The following TAF6 variants were observed in gnomAD, a reference collection of about 807,000 sequenced individuals.
TAF6 encodes TATA-box binding protein associated factor 6.
TAF6 carries 50 observed loss-of-function variants against 73.5 expected under a neutral mutation model. The ratio of observed to expected loss-of-function variants is 0.68; its 90% CI spans 0.54 to 0.86. TAF6 has a LOEUF of 0.86. Ranked by LOEUF, TAF6 falls within the 40% of genes least tolerant of loss-of-function variation. The probability of loss-of-function intolerance (pLI) is 0.00; values close to 1 mark genes in which losing one functional copy is unlikely to be tolerated. For synonymous variants in TAF6, 424 were observed against 376.7 expected, an observed-to-expected ratio of 1.13 and a Z score of -1.45; for missense variants, 768 against 899.5, an observed-to-expected ratio of 0.85 and a Z score of 1.87.
intron 1 of TAF6, 158 bp from the exon 2 acceptor site, chr7:100,114,426 C>T: frequency 1.3e-6 from 1 of 781,678 alleles, no homozygotes; most frequent in Non-Finnish European, 2.1e-6. Context: ...AGATACAAAT[C>T]TGGGCTGGGG....
At chr7:100,120,633 C>A (rs997733485), upstream of TAF6, among the ~76,000 whole-genome samples, 1 of 152,200 alleles carries the variant, frequency 6.6e-6, no homozygotes, top group African/African-American at 2.4e-5. Context: ...CCTTTCACCT[C>A]CGTGTGCCGC....
upstream of TAF6, among the ~76,000 whole-genome samples, chr7:100,121,875 C>G (rs1252171829): frequency 1.5e-5 from 2 of 135,772 alleles, no homozygotes; most frequent in African/African-American, 2.7e-5. Context: ...ACGGTGAAAC[C>G]CTGTCTCTAC....
chr7:100,122,841 G>C, upstream of TAF6: 2 of 1,613,952 alleles, frequency 1.2e-6, no homozygotes, highest in Non-Finnish European at 1.7e-6. Context: ...GGTGAAGGTG[G>C]ATCTGGGGAT....
upstream of TAF6, chr7:100,119,572 G>A: frequency 7.0e-7 from 1 of 1,433,854 alleles, no homozygotes. Flanking sequence ...CAAAACGGAG[G>A]CAGGGAAACC....
upstream of TAF6, chr7:100,122,368 C>G (rs369187074): frequency 6.2e-7 from 1 of 1,614,136 alleles, no homozygotes; most frequent in Non-Finnish European, 8.5e-7. Flanking sequence ...GGAAGAGACA[C>G]GTGCCTTACA....
At chr7:100,114,720 A>AG (rs1797533463) in intron 1 of TAF6, among the ~76,000 whole-genome samples, 1 of 151,854 alleles carries the variant, frequency 6.6e-6, no homozygotes, top group Admixed American at 6.6e-5. Context: ...AGGAAAAAAA[A>AG]AAAAAAAATC....
chr7:100,110,531 G>C (rs528489142), intron 10 of TAF6, among the ~76,000 whole-genome samples: 2 of 152,184 alleles, frequency 1.3e-5, no homozygotes, highest in Non-Finnish European at 2.9e-5. Flanking sequence ...GCCAGTTGTG[G>C]CCAGGTGCAG....
chr7:100,116,129 A>G (rs1184882230), intron 1 of TAF6, among the ~76,000 whole-genome samples: 1 of 152,186 alleles, frequency 6.6e-6, no homozygotes, highest in African/African-American at 2.4e-5. Flanking sequence ...CTAACGTTGC[A>G]GCCAAAATGC....
chr7:100,111,014 C>T lies in TAF6; in HGVS notation c.1083+125G>A, dbSNP rs911476092. The T allele has an allele frequency of 4.7e-5, 49 of 1,052,904 alleles. No homozygotes were observed. In the East Asian group the frequency reaches 1.1e-3, roughly 24 times the overall value. The allele number at this position is 1,052,904 out of a possible 1,614,324, so 65.2% of individuals were successfully genotyped here. ...AAAAAAAGGTATTACAGACAAGCCT[C>T]AAGACCCTTAGACCCCCACAAGTTC... On this transcript the variant is annotated intron_variant, in intron 10 of 14. Coordinates refer to ENST00000453269, the MANE Select transcript of TAF6 (RefSeq NM_139315.3).
chr7:100,127,112 T>C, the TAF6 span: 1 of 473,500 alleles, frequency 2.1e-6, no homozygotes, highest in Non-Finnish European at 3.8e-6. The surrounding 1 kb of genome is among the most constrained non-coding windows in gnomAD (Gnocchi z 4.6). Context: ...AGGATAGCCT[T>C]TGGAGGGTGA....
intron 5 of TAF6, among the ~76,000 whole-genome samples, 165 bp from the exon 6 acceptor site, chr7:100,113,082 T>C (rs1797349516): frequency 6.6e-6 from 1 of 151,948 alleles, no homozygotes; most frequent in South Asian, 2.1e-4. Context: ...CTGGCCAACA[T>C]GGTGAAACCT....
chr7:100,107,861 C>T (rs1450171617), intron 14 of TAF6, 65 bp downstream of exon 14: 5 of 1,532,448 alleles, frequency 3.3e-6, no homozygotes, highest in Non-Finnish European at 4.4e-6. Context: ...ACTCCTGGGC[C>T]TCCCCAGGGT....
At chr7:100,120,213 G>A (rs1797991380), upstream of TAF6, 1 of 176,588 alleles carries the variant, frequency 5.7e-6, no homozygotes, top group African/African-American at 2.4e-5. Context: ...GAGGCTGCAG[G>A]AGCCGGGTGT....
chr7:100,126,665 T>C, the TAF6 span: 4 of 151,928 alleles, frequency 2.6e-5, no homozygotes, highest in African/African-American at 9.7e-5. Flanking sequence ...AAACCTTAGC[T>C]GGGCTTGGTG....
chr7:100,110,280 A>C lies in TAF6; in HGVS notation c.1084-6T>G, dbSNP rs1797048748. 1 of 1,613,858 alleles carries C rather than the reference A, an allele frequency of 6.2e-7. No individual in the cohort carries two copies. Among genetic ancestry groups the C allele is most frequent in the African/African-American group, 1.3e-5 (1 of 74,906 alleles). ...GTCTTCTCGTCCACCCAGCTCTGTA[A>C]GGGGAAGGAAATAAACTAAGATGAA... On this transcript the variant is annotated splice_region_variant and splice_polypyrimidine_tract_variant and intron_variant, in intron 10 of 14. Coordinates refer to ENST00000453269, the MANE Select transcript of TAF6 (RefSeq NM_139315.3).
rs769348102 is a variant in TAF6 at position 100,111,721 on chromosome 7, C to A, written c.900+7G>T. ...CCCTGGAAGGGAGGATGGGCAGGATCACTCACGTATTTTTCTAGATAGAGC... is the reference window on the plus strand; with the variant it reads ...CCCTGGAAGGGAGGATGGGCAGGATAACTCACGTATTTTTCTAGATAGAGC... On this transcript the variant is annotated splice_region_variant and intron_variant, in intron 9 of 14. Transcript: ENST00000453269. The A allele has an allele frequency of 9.9e-6, 16 of 1,613,806 alleles. No individual in the cohort carries two copies. The highest frequency in any genetic ancestry group is 1.4e-5 in the Non-Finnish European group (16 of 1,179,856).
In TAF6 at chr7:100,112,840, G is replaced by A. The variant is rs770279972; in HGVS notation, c.532C>T (p.Leu178=). 2.3e-5 allele frequency: 37 copies of A among 1,613,974 alleles called. No individual in the cohort carries two copies. The highest frequency in any genetic ancestry group is 3.1e-5 in the Non-Finnish European group (37 of 1,179,856). Reference sequence around the variant, plus strand: ...GTGGCCCCTTGACCTTTGCCCTTCAGGGGTCCGTCTTCCTCCTGGCCTGGC... The same window carrying A: ...GTGGCCCCTTGACCTTTGCCCTTCAAGGGTCCGTCTTCCTCCTGGCCTGGC... The part of the protein sequence containing the change: ...AKPGQEEDGP[L]KGKGQGATTA... The change falls in exon 6 of 15, where the codon CTG becomes TTG. Residue 178 remains leucine, a synonymous_variant. Coordinates refer to ENST00000453269, the MANE Select transcript of TAF6 (RefSeq NM_139315.3).
At chr7:100,120,701 T>C (rs1311877600), upstream of TAF6, among the ~76,000 whole-genome samples, 1 of 152,162 alleles carries the variant, frequency 6.6e-6, no homozygotes, top group African/African-American at 2.4e-5. Flanking sequence ...ATTGTATCAG[T>C]CCTTGCTTTA....
At position 100,113,907 on chromosome 7, in the gene TAF6, G is replaced by T; in HGVS notation, c.204C>A (p.Thr68=). 3.7e-6 allele frequency: 6 copies of T among 1,613,904 alleles called. No homozygotes were observed. Among genetic ancestry groups the T allele is most frequent in the Non-Finnish European group, 5.1e-6 (6 of 1,180,010 alleles). Residue 68 remains threonine, a synonymous_variant, in exon 3 of 15, where the codon ACC becomes ACA. Transcript: ENST00000453269. ...GCTTCAAGGCGTAGTCAATGTCACTGGTGGTGAGCTTCTGCCGCTTCCCCA... is the reference window on the plus strand; with the variant it reads ...GCTTCAAGGCGTAGTCAATGTCACTTGTGGTGAGCTTCTGCCGCTTCCCCA... The part of the protein sequence containing the change: ...MHMGKRQKLT[T]SDIDYALKLK...
Sources: gnomAD v4.1 joint callset for allele counts (sites outside exome capture counted in the v4.1 genomes callset) on GRCh38, gnomAD v4.1.1 for gene constraint, Gnocchi (gnomAD v3.1) non-coding constraint, MANE v1.5 for transcripts, NCBI Gene and HGNC (gene_info 2026-07-23, HGNC 2026-07-21) for gene names.